Variants in GSDMC observed in about 807,000 individuals in gnomAD.
GSDMC encodes gasdermin-C.
A neutral mutation model predicts 58.0 loss-of-function variants in GSDMC; 59 were observed. That is an observed-to-expected ratio of 1.02 (90% CI 0.82 to 1.26). The LOEUF (loss-of-function observed/expected upper bound fraction) is 1.26, where lower values mean the gene tolerates loss of function less well. Ranked by LOEUF, GSDMC falls within the 50% of genes most tolerant of loss-of-function variation. The pLI, the probability that GSDMC is intolerant of heterozygous loss-of-function variation, is 0.00. For missense variants in GSDMC, 659 were observed against 598.5 expected (o/e 1.10, Z -1.06); for synonymous variants, 241 against 220.2 (o/e 1.09, Z -0.83).
At chr8:129,758,895 A>G (rs2033546850) in intron 6 of GSDMC, among the ~76,000 whole-genome samples, 1 of 152,150 alleles carries the variant, frequency 6.6e-6, no homozygotes, top group Admixed American at 6.6e-5. Context: ...CAAAAGACCC[A>G]GAATAACCAA....
chr8:129,768,391 A>G (rs913849090), intron 3 of GSDMC, among the ~76,000 whole-genome samples: 2 of 152,274 alleles, frequency 1.3e-5, no homozygotes, highest in Admixed American at 6.5e-5. Flanking sequence ...CTGACTCTAA[A>G]GAAATGGGAG....
At chr8:129,750,256 A>C in intron 11 of GSDMC, 137 bp from the exon 12 acceptor site, 1 of 953,112 alleles carries the variant, frequency 1.0e-6, no homozygotes, top group East Asian at 2.6e-5. Flanking sequence ...AAGCAGCCTC[A>C]GTAGTGGGGG....
the GSDMC span, among the ~76,000 whole-genome samples, chr8:129,739,595 A>G: frequency 6.6e-6 from 1 of 152,186 alleles, no homozygotes; most frequent in Non-Finnish European, 1.5e-5. Context: ...GAAAAATCCT[A>G]TCGCCTGCTG....
chr8:129,750,150 A>T, intron 11 of GSDMC, 31 bp from the exon 12 acceptor site: 1 of 1,478,490 alleles, frequency 6.8e-7, no homozygotes, highest in Non-Finnish European at 9.1e-7. Flanking sequence ...TGTTAATAAT[A>T]ATACTAATAA....
the GSDMC span, among the ~76,000 whole-genome samples, chr8:129,741,558 A>G: frequency 4.6e-5 from 7 of 152,106 alleles, no homozygotes; most frequent in African/African-American, 1.7e-4. Flanking sequence ...AATCATCAGG[A>G]AAATGCAAAT....
the GSDMC span, among the ~76,000 whole-genome samples, chr8:129,706,317 G>T: frequency 3.7e-4 from 57 of 152,194 alleles, no homozygotes; most frequent in African/African-American, 1.4e-3. Context: ...CAGTCATTCT[G>T]CAAAAACAAA....
chr8:129,763,929 T>C (rs1187729143), intron 4 of GSDMC, among the ~76,000 whole-genome samples: 2 of 152,156 alleles, frequency 1.3e-5, no homozygotes, highest in Non-Finnish European at 2.9e-5. Context: ...TACTTTTTCC[T>C]GGAAATTTCT....
chr8:129,783,611 G>C (rs10096604), intron 1 of GSDMC, among the ~76,000 whole-genome samples: 76,229 of 151,984 alleles, frequency 0.5, 22,808 homozygotes, highest in African/African-American at 0.83. Flanking sequence ...AAAATGGAAA[G>C]ATATTCCATG....
chr8:129,737,518 C>T, the GSDMC span, among the ~76,000 whole-genome samples: 1 of 152,230 alleles, frequency 6.6e-6, no homozygotes, highest in South Asian at 2.1e-4. Context: ...TTTGACAAAC[C>T]TGACAAAAAC....
At chr8:129,759,179 A>G (rs2033560132) in intron 6 of GSDMC, among the ~76,000 whole-genome samples, 1 of 152,114 alleles carries the variant, frequency 6.6e-6, no homozygotes, top group Non-Finnish European at 1.5e-5. Context: ...ATAAAACTAG[A>G]CCCCTATCTC....
At chr8:129,713,631 G>A in the GSDMC span, among the ~76,000 whole-genome samples, 6 of 152,168 alleles carry the variant, frequency 3.9e-5, no homozygotes, top group Non-Finnish European at 8.8e-5. Flanking sequence ...ATGAGCTTGA[G>A]GCAGAGTGTC....
At chr8:129,775,395 CA>C (rs2034190779) in intron 3 of GSDMC, among the ~76,000 whole-genome samples, 1 of 152,016 alleles carries the variant, frequency 6.6e-6, no homozygotes, top group Admixed American at 6.6e-5. Flanking sequence ...TGGTGGTTAG[CA>C]GGGGTTAGGA....
At chr8:129,745,967 C>A (rs184147332), downstream of GSDMC, among the ~76,000 whole-genome samples, 101 of 151,622 alleles carry the variant, frequency 6.7e-4, no homozygotes, top group Admixed American at 1.6e-3. Flanking sequence ...GGAACAGAAA[C>A]CATCTCATTT....
At chr8:129,711,439 C>A in the GSDMC span, among the ~76,000 whole-genome samples, 1 of 152,118 alleles carries the variant, frequency 6.6e-6, no homozygotes, top group Non-Finnish European at 1.5e-5. Flanking sequence ...CCCAGTATTC[C>A]AAAAGTCAGT....
intron 3 of GSDMC, among the ~76,000 whole-genome samples, chr8:129,771,651 C>T (rs1323425134): frequency 7.4e-5 from 11 of 149,578 alleles, no homozygotes; most frequent in Non-Finnish European, 3.0e-5. Context: ...TGGGATACAA[C>T]AAAAGCAGTT....
At chr8:129,764,646 T>C (rs2033793915) in intron 4 of GSDMC, among the ~76,000 whole-genome samples, 1 of 152,250 alleles carries the variant, frequency 6.6e-6, no homozygotes, top group Non-Finnish European at 1.5e-5. Flanking sequence ...ATTTGGGCTC[T>C]GAGTGTTCCT....
At chr8:129,723,566 G>T in the GSDMC span, among the ~76,000 whole-genome samples, 3 of 151,978 alleles carry the variant, frequency 2.0e-5, no homozygotes, top group Admixed American at 2.0e-4. Flanking sequence ...GCGCCTGGCC[G>T]CATCTAGCAG....
chr8:129,747,301 T>C (rs868043843), downstream of GSDMC, among the ~76,000 whole-genome samples: 2 of 151,298 alleles, frequency 1.3e-5, no homozygotes, highest in African/African-American at 2.4e-5. Flanking sequence ...TAAACAGCCA[T>C]GAGGGATACG....
chr8:129,745,819 T>C (rs1179568191), downstream of GSDMC, among the ~76,000 whole-genome samples: 1 of 78,144 alleles, frequency 1.3e-5, no homozygotes, highest in African/African-American at 1.7e-4. Context: ...ACAGAGAATG[T>C]TTAAAATCGT....
Sources: allele counts gnomAD v4.1 joint callset (sites outside exome capture counted in the v4.1 genomes callset), GRCh38; gene constraint gnomAD v4.1.1; transcripts MANE v1.5; gene names NCBI Gene and HGNC (gene_info 2026-07-23, HGNC 2026-07-21).